The following CDK14 variants were observed in gnomAD, a reference collection of about 807,000 sequenced individuals.
CDK14 encodes the protein cyclin dependent kinase 14, also known as cyclin-dependent kinase 14.
CDK14 carries 34 observed loss-of-function variants against 60.7 expected under a neutral mutation model. That is an observed-to-expected ratio of 0.56 (90% CI 0.43 to 0.75). CDK14 has a LOEUF of 0.75. CDK14 is among the 30% of genes least tolerant of loss of function. The pLI is 0.00. For synonymous variants in CDK14, 197 were observed against 203.7 expected (o/e 0.97, Z 0.28); for missense variants, 482 against 564.1 (o/e 0.85, Z 1.47).
chr7:90,663,095 AACACACACACACACACAC>A (rs111918409), intron 2 of CDK14, among the ~76,000 whole-genome samples: 49 of 132,056 alleles, frequency 3.7e-4, no homozygotes, highest in African/African-American at 1.3e-3. Flanking sequence ...CTAAGATGGG[AACACACACACACACACAC>A]ACACACACAC....
chr7:90,737,621 CCT>C (rs1181993935), intron 3 of CDK14, among the ~76,000 whole-genome samples: 322 of 152,272 alleles, frequency 2.1e-3, no homozygotes, highest in African/African-American at 7.0e-3. Context: ...AACCAAGTTA[CCT>C]ATCAATGATG....
intron 11 of CDK14, among the ~76,000 whole-genome samples, chr7:91,074,463 G>C (rs1798237685): frequency 1.3e-5 from 2 of 152,128 alleles, no homozygotes; most frequent in Admixed American, 1.3e-4. Context: ...TGAGAACAAA[G>C]AGACAATGTA....
intron 9 of CDK14, among the ~76,000 whole-genome samples, chr7:90,957,933 C>T (rs1794480881): frequency 6.6e-6 from 1 of 152,140 alleles, no homozygotes; most frequent in African/African-American, 2.4e-5. Context: ...GGAGGCATCG[C>T]ACATGGCTGT....
chr7:90,909,831 G>T (rs1453662516), intron 7 of CDK14, among the ~76,000 whole-genome samples: 2 of 152,056 alleles, frequency 1.3e-5, no homozygotes, highest in African/African-American at 4.8e-5. Context: ...AGATCTTAAA[G>T]AATGTAAATT....
Position 90,866,708 on chromosome 7 carries a change from A to G in CDK14, c.639+3439A>G, listed in dbSNP as rs548950275. 5.3e-5 allele frequency among the ~76,000 whole-genome samples: 8 copies of G among 152,228 alleles called. No homozygotes were observed. The East Asian group carries it at 1.4e-3, about 26-fold the overall frequency. ...GGAGAACTGTAAGCCTAGTTGCTTT[A>G]TATTGTTGCCATGAATGACATTTTA... On this transcript the variant is annotated intron_variant, in intron 6 of 14. Transcript: ENST00000380050.
At chr7:90,651,996 C>G (rs1432126872) in intron 2 of CDK14, among the ~76,000 whole-genome samples, 1 of 152,134 alleles carries the variant, frequency 6.6e-6, no homozygotes, top group East Asian at 1.9e-4. Flanking sequence ...GCTCTTTGAG[C>G]CTCCTTTACA....
chr7:90,804,823 T>C (rs952001556), intron 5 of CDK14, among the ~76,000 whole-genome samples: 1 of 152,166 alleles, frequency 6.6e-6, no homozygotes, highest in African/African-American at 2.4e-5. Flanking sequence ...ATGATACTTT[T>C]ATATTTAAGA....
intron 10 of CDK14, among the ~76,000 whole-genome samples, chr7:91,006,320 G>C (rs1203491799): frequency 6.6e-6 from 1 of 152,182 alleles, no homozygotes; most frequent in Admixed American, 6.5e-5. Context: ...CATTCTGTCT[G>C]CTATATAGGC....
At chr7:90,665,179 G>C (rs1800949445) in intron 2 of CDK14, among the ~76,000 whole-genome samples, 1 of 151,932 alleles carries the variant, frequency 6.6e-6, no homozygotes, top group Non-Finnish European at 1.5e-5. Context: ...CAGCTACTCG[G>C]GAGGCTGAGG....
At chr7:91,178,714 T>C (rs899539169) in intron 14 of CDK14, among the ~76,000 whole-genome samples, 6 of 151,694 alleles carry the variant, frequency 4.0e-5, no homozygotes, top group East Asian at 1.9e-4. Context: ...AAAATGCTCA[T>C]CATCACTGGC....
intron 8 of CDK14, among the ~76,000 whole-genome samples, chr7:90,934,422 ACAG>A (rs1031532709): frequency 4.4e-4 from 67 of 152,372 alleles, no homozygotes; most frequent in African/African-American, 1.5e-3. Context: ...GCCAAGGCTC[ACAG>A]CAACAACTGG....
chr7:90,894,904 G>GT (rs1285988793), intron 6 of CDK14, among the ~76,000 whole-genome samples: 12 of 152,048 alleles, frequency 7.9e-5, no homozygotes, highest in Non-Finnish European at 2.9e-5. Flanking sequence ...TGATGTGTTA[G>GT]TTTTTTAATG....
At chr7:91,182,617 T>C (rs1375065856) in intron 14 of CDK14, among the ~76,000 whole-genome samples, 2 of 152,108 alleles carry the variant, frequency 1.3e-5, no homozygotes, top group Admixed American at 6.6e-5. Flanking sequence ...CTTTATAATA[T>C]AAGCAAGTAC....
intron 14 of CDK14, among the ~76,000 whole-genome samples, chr7:91,124,992 C>CAA: frequency 6.6e-6 from 1 of 152,232 alleles, no homozygotes; most frequent in Admixed American, 6.5e-5. Flanking sequence ...TCCCACTAGA[C>CAA]AGTCTTTGTG....
intron 2 of CDK14, among the ~76,000 whole-genome samples, chr7:90,669,524 G>A (rs1477915932): frequency 6.6e-6 from 1 of 152,192 alleles, no homozygotes; most frequent in Non-Finnish European, 1.5e-5. Context: ...AACTGCTGTA[G>A]CCTGGAATAT....
intron 1 of CDK14, among the ~76,000 whole-genome samples, chr7:90,596,950 A>G (rs557162768): frequency 6.6e-6 from 1 of 152,154 alleles, no homozygotes; most frequent in African/African-American, 2.4e-5. Context: ...CAAGCCTACA[A>G]TATGGGTTCT....
At chr7:91,020,666 C>G (rs1584238257) in intron 10 of CDK14, among the ~76,000 whole-genome samples, 1 of 152,276 alleles carries the variant, frequency 6.6e-6, no homozygotes, top group Non-Finnish European at 1.5e-5. Context: ...GGATTTGAAT[C>G]CCTGTTCTTC....
intron 5 of CDK14, among the ~76,000 whole-genome samples, chr7:90,859,671 A>G (rs1403025549): frequency 6.6e-6 from 1 of 152,198 alleles, no homozygotes; most frequent in Non-Finnish European, 1.5e-5. Context: ...CTCCCCAGCT[A>G]TCAGAATCCC....
chr7:91,022,177 G>C (rs1396883294), intron 10 of CDK14, among the ~76,000 whole-genome samples: 3 of 152,180 alleles, frequency 2.0e-5, no homozygotes, highest in Non-Finnish European at 4.4e-5. Context: ...TCCATTCCCT[G>C]TCTCTTTGGG....
Sources: allele counts gnomAD v4.1 joint callset (sites outside exome capture counted in the v4.1 genomes callset), GRCh38; gene constraint gnomAD v4.1.1; transcripts MANE v1.5; gene names NCBI Gene and HGNC (gene_info 2026-07-23, HGNC 2026-07-21).